Variants in LINGO2 observed in about 807,000 individuals in gnomAD.
The protein encoded by LINGO2 is leucine rich repeat and Ig domain containing 2.
LINGO2 carries 14 observed loss-of-function variants against 30.6 expected under a neutral mutation model. That is an observed-to-expected ratio of 0.46 (90% CI 0.30 to 0.72). The LOEUF (loss-of-function observed/expected upper bound fraction) is 0.72, where lower values mean the gene tolerates loss of function less well. Ranked by LOEUF, LINGO2 falls within the 30% of genes least tolerant of loss-of-function variation. The pLI is 0.07. For missense variants in LINGO2, 729 were observed against 751.7 expected (o/e 0.97, Z 0.35); for synonymous variants, 317 against 288.5 (o/e 1.10, Z -1.00).
chr9:27,962,382 G>A (rs970702965), intron 5 of LINGO2, among the ~76,000 whole-genome samples: 8 of 151,998 alleles, frequency 5.3e-5, no homozygotes, highest in African/African-American at 1.2e-4. Context: ...TGTCTGCCAC[G>A]GAAGACAGTA....
At chr9:28,360,267 C>T (rs567428025) in intron 3 of LINGO2, among the ~76,000 whole-genome samples, 4 of 152,078 alleles carry the variant, frequency 2.6e-5, no homozygotes, top group Non-Finnish European at 5.9e-5. Flanking sequence ...TCCTTTAAAC[C>T]GTCAGCCAGA....
At chr9:28,233,006 T>C (rs1298264478) in intron 4 of LINGO2, among the ~76,000 whole-genome samples, 1 of 129,518 alleles carries the variant, frequency 7.7e-6, no homozygotes, top group African/African-American at 3.1e-5. Flanking sequence ...GGGCTTATAC[T>C]TCTCATGAGA....
chr9:28,985,231 GT>G, the LINGO2 span, among the ~76,000 whole-genome samples: 1 of 152,052 alleles, frequency 6.6e-6, no homozygotes, highest in Non-Finnish European at 1.5e-5. Context: ...GCATTTCATT[GT>G]GTATATATGT....
Position 28,130,828 on chromosome 9 carries a change from G to A in LINGO2, c.-86-118423C>T, listed in dbSNP as rs1323487049. 6.6e-6 allele frequency among the ~76,000 whole-genome samples: 1 copy of A among 152,150 alleles called. No individual in the cohort carries two copies. The highest frequency in any genetic ancestry group is 1.5e-5 in the Non-Finnish European group (1 of 67,990). ...TGAGAAGTAGTACAGTTTGGCTACA[G>A]AAGGAAGTTTATGTACATATGTTCC... On this transcript the variant is annotated intron_variant, in intron 4 of 5. Coordinates refer to ENST00000379992, the Ensembl canonical transcript of LINGO2. The surrounding 1 kb of genome is among the most constrained non-coding windows in gnomAD (Gnocchi z 5.2).
intron 4 of LINGO2, among the ~76,000 whole-genome samples, chr9:28,094,545 G>C (rs1023023064): frequency 1.3e-5 from 2 of 152,026 alleles, no homozygotes; most frequent in Non-Finnish European, 1.5e-5. Context: ...GAGAGAGAGA[G>C]AGAGTAAATA....
the LINGO2 span, among the ~76,000 whole-genome samples, chr9:28,771,452 GGTGTGTGTGTGTGTGTGTGTGTGT>G: frequency 3.3e-5 from 4 of 120,370 alleles, no homozygotes; most frequent in South Asian, 3.1e-4. Flanking sequence ...TTTCCTATTT[GGTGTGTGTGTGTGTGTGTGTGTGT>G]GTGTGTGTGT....
At chr9:28,114,131 A>G (rs1826858631) in intron 4 of LINGO2, among the ~76,000 whole-genome samples, 2 of 62,686 alleles carry the variant, frequency 3.2e-5, no homozygotes, top group Admixed American at 2.4e-4. Flanking sequence ...AGGGTTGTTG[A>G]ATTTTGTCAA....
At chr9:28,577,519 T>G (rs1824049557) in intron 1 of LINGO2, among the ~76,000 whole-genome samples, 1 of 152,100 alleles carries the variant, frequency 6.6e-6, no homozygotes, top group Non-Finnish European at 1.5e-5. Context: ...ACCCTAGCAT[T>G]CAAATTTGCA....
chr9:28,003,683 G>A (rs564255531), intron 5 of LINGO2, among the ~76,000 whole-genome samples: 24 of 152,218 alleles, frequency 1.6e-4, no homozygotes, highest in African/African-American at 4.3e-4. Flanking sequence ...GGATGGTCTC[G>A]ATCTCCTGAC....
the LINGO2 span, among the ~76,000 whole-genome samples, chr9:29,144,984 T>A: frequency 6.6e-6 from 1 of 152,246 alleles, no homozygotes. Flanking sequence ...TTTCATTATC[T>A]GCTTTGTTTT....
At chr9:27,942,757 A>G in the LINGO2 span, 1 of 152,146 alleles carries the variant, frequency 6.6e-6, no homozygotes, top group South Asian at 2.1e-4. Context: ...CAACTTTTAA[A>G]ACGGTTATAA....
the LINGO2 span, among the ~76,000 whole-genome samples, chr9:28,839,310 T>C: frequency 5.3e-5 from 8 of 151,896 alleles, no homozygotes; most frequent in Admixed American, 5.2e-4. Flanking sequence ...GTGAATAAGG[T>C]GAAGAGGTGC....
At chr9:28,154,645 G>A (rs1315958673) in intron 4 of LINGO2, among the ~76,000 whole-genome samples, 3 of 152,178 alleles carry the variant, frequency 2.0e-5, no homozygotes, top group African/African-American at 7.2e-5. Flanking sequence ...AAGAATGACA[G>A]TGTGCAATTT....
At chr9:28,927,253 T>A in the LINGO2 span, among the ~76,000 whole-genome samples, 1 of 152,172 alleles carries the variant, frequency 6.6e-6, no homozygotes, top group Non-Finnish European at 1.5e-5. Context: ...AGATCTGAAT[T>A]ACCATTGATG....
At chr9:28,200,090 C>A (rs993141479) in intron 4 of LINGO2, among the ~76,000 whole-genome samples, 12 of 150,594 alleles carry the variant, frequency 8.0e-5, no homozygotes, top group Non-Finnish European at 1.8e-4. Flanking sequence ...ACTTTCTTCA[C>A]AACAGGGAAT....
chr9:29,175,784 C>G, the LINGO2 span, among the ~76,000 whole-genome samples: 1 of 152,000 alleles, frequency 6.6e-6, no homozygotes, highest in East Asian at 1.9e-4. Context: ...CTCAGCCTCC[C>G]AAAGCCGATA....
intron 4 of LINGO2, among the ~76,000 whole-genome samples, chr9:28,151,586 A>G (rs1213855199): frequency 2.0e-5 from 3 of 151,872 alleles, no homozygotes; most frequent in South Asian, 4.2e-4. Flanking sequence ...GCTGACGAAT[A>G]TAATTAGAAA....
chr9:28,280,771 G>T (rs767062023), intron 4 of LINGO2, among the ~76,000 whole-genome samples: 20 of 152,128 alleles, frequency 1.3e-4, no homozygotes, highest in Non-Finnish European at 2.1e-4. Context: ...AAAGAACTGA[G>T]TTGCTCTCCC....
At chr9:29,037,643 C>T in the LINGO2 span, among the ~76,000 whole-genome samples, 1 of 151,940 alleles carries the variant, frequency 6.6e-6, no homozygotes, top group African/African-American at 2.4e-5. Flanking sequence ...CAGCCAAAGT[C>T]CAAACTGTCT....
Sources: allele counts gnomAD v4.1 joint callset (sites outside exome capture counted in the v4.1 genomes callset), GRCh38; gene constraint gnomAD v4.1.1; non-coding constraint Gnocchi (gnomAD v3.1); transcripts MANE v1.5; gene names NCBI Gene and HGNC (gene_info 2026-07-23, HGNC 2026-07-21).